SEMA3A: variants seen among roughly 807,000 people sequenced by gnomAD.
The protein encoded by SEMA3A is semaphorin 3A.
A neutral mutation model predicts 97.9 loss-of-function variants in SEMA3A; 29 were observed. The observed-to-expected ratio is 0.30, with a 90% CI of 0.22 to 0.40. The LOEUF is 0.40. SEMA3A is among the 10% of genes least tolerant of loss of function. SEMA3A has a pLI of 1.00. For missense variants in SEMA3A, 763 were observed against 951.3 expected (o/e 0.80, Z 2.60); for synonymous variants, 321 against 323.7 (o/e 0.99, Z 0.09).
At chr7:84,268,284 T>TGG (rs980123592) in intron 3 of SEMA3A, among the ~76,000 whole-genome samples, 3 of 151,502 alleles carry the variant, frequency 2.0e-5, no homozygotes, top group Non-Finnish European at 4.4e-5. Context: ...TGTGTGTGTG[T>TGG]GTGTGTGTGT....
chr7:84,172,150 CA>C (rs1447206646), intron 1 of SEMA3A, among the ~76,000 whole-genome samples: 5 of 152,068 alleles, frequency 3.3e-5, no homozygotes, highest in Non-Finnish European at 7.4e-5. Context: ...TCTAAAAGAG[CA>C]AAATGAAAAG....
chr7:84,062,327 A>G (rs2189850), intron 4 of SEMA3A, among the ~76,000 whole-genome samples: 50,759 of 152,134 alleles, frequency 0.33, 10,219 homozygotes, highest in African/African-American at 0.57. Flanking sequence ...TTATATGAAA[A>G]GACATATTCT....
At chr7:84,176,463 T>C (rs1267845915) in intron 1 of SEMA3A, among the ~76,000 whole-genome samples, 1 of 152,176 alleles carries the variant, frequency 6.6e-6, no homozygotes, top group Non-Finnish European at 1.5e-5. Context: ...CATTATCTTC[T>C]AAGATGTATG....
chr7:84,233,922 T>C (rs1454931737), intron 3 of SEMA3A, among the ~76,000 whole-genome samples: 2 of 151,806 alleles, frequency 1.3e-5, no homozygotes, highest in Non-Finnish European at 2.9e-5. Flanking sequence ...ATGGAATTAA[T>C]AATAAATGTA....
intron 3 of SEMA3A, among the ~76,000 whole-genome samples, chr7:84,127,553 T>C (rs1202181601): frequency 6.6e-6 from 1 of 152,210 alleles, no homozygotes; most frequent in Non-Finnish European, 1.5e-5. Flanking sequence ...ATGAATATTT[T>C]AACATAATAA....
chr7:84,458,083 T>C (rs573812369), intron 1 of SEMA3A, among the ~76,000 whole-genome samples: 3 of 152,162 alleles, frequency 2.0e-5, no homozygotes, highest in South Asian at 2.1e-4. Flanking sequence ...ATTGAGTTGA[T>C]GTTACATTAA....
At chr7:84,014,922 A>T (rs74421748) in intron 6 of SEMA3A, among the ~76,000 whole-genome samples, 10,400 of 152,132 alleles carry the variant, frequency 0.068, 545 homozygotes, top group African/African-American at 0.15. Flanking sequence ...CCAACATTCT[A>T]TCTATCAGCA....
In SEMA3A at chr7:84,378,252, A is replaced by G. The variant is rs1307525292; in HGVS notation, c.-245-6352T>C. On this transcript the variant is annotated intron_variant, in intron 1 of 3. Coordinates refer to the SEMA3A transcript ENST00000424555. ...TAAAATTTCTTCAGTTTATAAATAA[A>G]CTAAAGAATATATATACAGTGGCAC... 2.0e-5 allele frequency among the ~76,000 whole-genome samples: 3 copies of G among 152,176 alleles called. No homozygotes were observed. The East Asian group carries it at 5.8e-4, about 29-fold the overall frequency.
chr7:84,007,636 T>C (rs1486158588), intron 9 of SEMA3A, 139 bp from the exon 10 acceptor site: 4 of 766,672 alleles, frequency 5.2e-6, no homozygotes, highest in African/African-American at 3.6e-5. Flanking sequence ...TTTGGGATTT[T>C]TCTAGTCACA....
At chr7:84,468,564 T>C (rs1806063939) in intron 1 of SEMA3A, among the ~76,000 whole-genome samples, 1 of 152,196 alleles carries the variant, frequency 6.6e-6, no homozygotes, top group African/African-American at 2.4e-5. Flanking sequence ...TTATCAACTA[T>C]TAAAGTCAAT....
intron 2 of SEMA3A, among the ~76,000 whole-genome samples, chr7:84,346,334 AG>A (rs1329544451): frequency 6.6e-6 from 1 of 152,182 alleles, no homozygotes; most frequent in Non-Finnish European, 1.5e-5. Context: ...TGTATTCTCT[AG>A]AGTAGCACTT....
At chr7:84,414,807 A>G (rs1311656137) in intron 1 of SEMA3A, among the ~76,000 whole-genome samples, 1 of 152,112 alleles carries the variant, frequency 6.6e-6, no homozygotes, top group Non-Finnish European at 1.5e-5. Context: ...TAAAATGCAG[A>G]ATCATTGTTT....
chr7:84,170,714 G>T (rs140459877), intron 1 of SEMA3A, among the ~76,000 whole-genome samples: 5 of 152,004 alleles, frequency 3.3e-5, no homozygotes, highest in African/African-American at 1.2e-4. Flanking sequence ...TTAATTATTG[G>T]ATGTGTACAA....
At chr7:84,248,704 C>G (rs866600172) in intron 3 of SEMA3A, among the ~76,000 whole-genome samples, 1 of 152,072 alleles carries the variant, frequency 6.6e-6, no homozygotes, top group Non-Finnish European at 1.5e-5. Context: ...TCTCCTAAAA[C>G]AACTCCACTC....
At chr7:84,082,405 A>C (rs1176028969) in intron 4 of SEMA3A, among the ~76,000 whole-genome samples, 1 of 152,192 alleles carries the variant, frequency 6.6e-6, no homozygotes. Context: ...AAAGGAGTAC[A>C]AAAGAAAATG....
At position 84,076,657 on chromosome 7, in the gene SEMA3A, T is replaced by C. The variant is rs568909855; in HGVS notation, c.454-16099A>G. Among the ~76,000 whole-genome samples the C allele has an allele frequency of 3.3e-5, 5 of 152,270 alleles. No individual in the cohort carries two copies. The South Asian group carries it at 1.0e-3, about 32-fold the overall frequency. On this transcript the variant is annotated intron_variant, in intron 4 of 16. Transcript: ENST00000265362. ...TAACATGGTCTTCATGTTACACTAT[T>C]AACATAGTAAAGGTAAATAGAATGA...
intron 3 of SEMA3A, among the ~76,000 whole-genome samples, chr7:84,224,000 C>T (rs1487018783): frequency 6.6e-6 from 1 of 151,716 alleles, no homozygotes; most frequent in Non-Finnish European, 1.5e-5. Flanking sequence ...TAAAAAGCTT[C>T]TATAGAAATG....
In SEMA3A at chr7:83,988,877, T is replaced by C. The variant is rs1009660961; in HGVS notation, c.1453-3400A>G. ...ATATTCAGCTTTTTTTTTTTTTTTTTCTGACAGAGTCTCGCTGTTGCCCAG... is the reference window on the plus strand; with the variant it reads ...ATATTCAGCTTTTTTTTTTTTTTTTCCTGACAGAGTCTCGCTGTTGCCCAG... On this transcript the variant is annotated intron_variant, in intron 12 of 16. Transcript: ENST00000265362. 4.3e-5 allele frequency among the ~76,000 whole-genome samples: 6 copies of C among 138,766 alleles called. No individual in the cohort carries two copies. In the East Asian group the frequency reaches 7.5e-4, roughly 17 times the overall value. The allele number at this position is 138,766 out of a possible 152,430, so 91.0% of individuals were successfully genotyped here.
At chr7:84,253,377 A>T (rs548601619) in intron 3 of SEMA3A, among the ~76,000 whole-genome samples, 1 of 151,650 alleles carries the variant, frequency 6.6e-6, no homozygotes, top group East Asian at 2.0e-4. Context: ...AAAAAAAAAA[A>T]TTGTGTTAAG....
Sources: allele counts gnomAD v4.1 joint callset (sites outside exome capture counted in the v4.1 genomes callset), GRCh38; gene constraint gnomAD v4.1.1; transcripts MANE v1.5; gene names NCBI Gene and HGNC (gene_info 2026-07-23, HGNC 2026-07-21).